TAB2: variants seen among roughly 807,000 people sequenced by gnomAD.
TAB2 encodes TGF-beta activated kinase 1 (MAP3K7) binding protein 2.
A neutral mutation model predicts 65.0 loss-of-function variants in TAB2; 3 were observed. The observed-to-expected ratio is 0.05, with a 90% CI of 0.02 to 0.12. TAB2 has a LOEUF of 0.12. Among genes scored for constraint, TAB2 ranks in the 10% least tolerant of loss-of-function variants. TAB2 has a pLI of 1.00. For synonymous variants in TAB2, 298 were observed against 285.1 expected (o/e 1.05, Z -0.46); for missense variants, 623 against 840.3 (o/e 0.74, Z 3.20).
At chr6:149,343,302 C>G (rs1780188375) in intron 1 of TAB2, among the ~76,000 whole-genome samples, 1 of 144,380 alleles carries the variant, frequency 6.9e-6, no homozygotes, top group Non-Finnish European at 1.6e-5. Context: ...AACCCCGCCT[C>G]CACTAAAAAT....
At chr6:149,359,557 A>T (rs990116452) in intron 1 of TAB2, among the ~76,000 whole-genome samples, 1 of 152,194 alleles carries the variant, frequency 6.6e-6, no homozygotes, top group Non-Finnish European at 1.5e-5. Flanking sequence ...GCTTTATGCA[A>T]CTATTTCATT....
chr6:149,261,652 T>C (rs1037257844), intron 1 of TAB2, among the ~76,000 whole-genome samples: 8 of 152,178 alleles, frequency 5.3e-5, no homozygotes, highest in African/African-American at 1.9e-4. Flanking sequence ...TATTTAATGA[T>C]AGCTAACTGA....
At chr6:149,355,998 A>G (rs1000260832) in intron 1 of TAB2, among the ~76,000 whole-genome samples, 1 of 152,230 alleles carries the variant, frequency 6.6e-6, no homozygotes, top group African/African-American at 2.4e-5. Context: ...AACTAATGCT[A>G]TTGAAAGGCT....
intron 1 of TAB2, among the ~76,000 whole-genome samples, chr6:149,363,934 C>G (rs1430867087): frequency 2.0e-5 from 3 of 152,164 alleles, no homozygotes; most frequent in Non-Finnish European, 4.4e-5. Flanking sequence ...TTTCCTAATT[C>G]AGAGACGAGA....
chr6:149,361,163 T>G (rs1780835316), intron 1 of TAB2, among the ~76,000 whole-genome samples: 2 of 152,322 alleles, frequency 1.3e-5, no homozygotes, highest in Admixed American at 6.5e-5. Flanking sequence ...GGAGACTCTG[T>G]GGGGCCTCCA....
intron 1 of TAB2, among the ~76,000 whole-genome samples, chr6:149,367,341 G>A (rs1197328653): frequency 6.6e-6 from 1 of 152,108 alleles, no homozygotes; most frequent in Non-Finnish European, 1.5e-5. Flanking sequence ...GAAGGGAGTT[G>A]CAGGTGGATC....
At chr6:149,350,898 C>G (rs928520345) in intron 1 of TAB2, among the ~76,000 whole-genome samples, 1 of 152,054 alleles carries the variant, frequency 6.6e-6, no homozygotes, top group Non-Finnish European at 1.5e-5. Flanking sequence ...TTAGCATTAG[C>G]GTATCTCAAG....
At chr6:149,399,481 T>G (rs1782291920) in intron 6 of TAB2, among the ~76,000 whole-genome samples, 1 of 152,116 alleles carries the variant, frequency 6.6e-6, no homozygotes, top group Non-Finnish European at 1.5e-5. Flanking sequence ...CAAAAATTTG[T>G]ATCATTTAAA....
intron 1 of TAB2, among the ~76,000 whole-genome samples, chr6:149,339,321 A>C (rs1178530616): frequency 6.6e-6 from 1 of 152,118 alleles, no homozygotes; most frequent in East Asian, 1.9e-4. Flanking sequence ...GTGAGCCAAG[A>C]TCACACCACT....
chr6:149,345,970 A>G (rs1780282305), intron 1 of TAB2, among the ~76,000 whole-genome samples: 1 of 152,172 alleles, frequency 6.6e-6, no homozygotes, highest in Admixed American at 6.5e-5. Context: ...CTATGCAATA[A>G]TGTATTTATT....
chr6:149,272,900 G>T (rs1778388401), intron 1 of TAB2, among the ~76,000 whole-genome samples: 1 of 152,190 alleles, frequency 6.6e-6, no homozygotes, highest in Non-Finnish European at 1.5e-5. Context: ...TGGGGCCACT[G>T]GAGCATGAGT....
At chr6:149,359,522 TAAGG>T (rs1386837835) in intron 1 of TAB2, among the ~76,000 whole-genome samples, 2 of 152,166 alleles carry the variant, frequency 1.3e-5, no homozygotes, top group Non-Finnish European at 2.9e-5. Context: ...TTTTTTCTAG[TAAGG>T]AAGGACCTTC....
At chr6:149,289,802 A>G (rs1049555611) in intron 1 of TAB2, among the ~76,000 whole-genome samples, 1 of 152,218 alleles carries the variant, frequency 6.6e-6, no homozygotes, top group Non-Finnish European at 1.5e-5. Flanking sequence ...GGTTTTATAC[A>G]TTTTAGGAAG....
intron 1 of TAB2, among the ~76,000 whole-genome samples, chr6:149,343,567 C>A (rs896969727): frequency 6.6e-6 from 1 of 151,608 alleles, no homozygotes; most frequent in Non-Finnish European, 1.5e-5. Flanking sequence ...TAGTACTTTA[C>A]CTGAAGAATT....
chr6:149,264,900 G>T (rs1245387594), intron 1 of TAB2, among the ~76,000 whole-genome samples: 2 of 152,260 alleles, frequency 1.3e-5, no homozygotes, highest in Non-Finnish European at 2.9e-5. Flanking sequence ...GTGAGCCACT[G>T]CAGGAAAGAC....
At chr6:149,360,566 A>G (rs1780811108) in intron 1 of TAB2, among the ~76,000 whole-genome samples, 1 of 152,184 alleles carries the variant, frequency 6.6e-6, no homozygotes, top group African/African-American at 2.4e-5. Context: ...CATCTCCAAC[A>G]CTGGGGATCA....
chr6:149,314,245 A>T (rs1485965798), upstream of TAB2, among the ~76,000 whole-genome samples: 2 of 152,184 alleles, frequency 1.3e-5, no homozygotes, highest in Admixed American at 6.5e-5. Context: ...GTGCCTTCGA[A>T]CCTAATCTAT....
In TAB2 at chr6:149,399,530, T is replaced by TCC. The variant is rs71681301; in HGVS notation, c.1939+355_1939+356dup. The stretch of plus-strand genomic sequence containing the variant: ...GATAAGGAAGATACCTTAGGGAAGT[T>TCC]CCCCCCCCCCATGAGTATTTAGTTT... On this transcript the variant is annotated intron_variant, in intron 6 of 6. Transcript: ENST00000637181. Among the ~76,000 whole-genome samples the TCC allele has an allele frequency of 4.8e-3, 713 of 149,386 alleles. 3 individuals carry two copies. The highest frequency in any genetic ancestry group is 0.012 in the African/African-American group (482 of 40,688).
chr6:149,290,692 A>T (rs1242887151), intron 1 of TAB2, among the ~76,000 whole-genome samples: 1 of 152,104 alleles, frequency 6.6e-6, no homozygotes, highest in Non-Finnish European at 1.5e-5. Context: ...AAAAAGACAA[A>T]AAAATAGCCA....
Sources: gnomAD v4.1 joint callset for allele counts (sites outside exome capture counted in the v4.1 genomes callset) on GRCh38, gnomAD v4.1.1 for gene constraint, MANE v1.5 for transcripts, NCBI Gene and HGNC (gene_info 2026-07-23, HGNC 2026-07-21) for gene names.